The following ETV5 variants were observed in gnomAD, a reference collection of about 807,000 sequenced individuals.
ETV5 encodes ETS translocation variant 5.
A neutral mutation model predicts 70.0 loss-of-function variants in ETV5; 10 were observed. That is an observed-to-expected ratio of 0.14 (90% confidence interval 0.09 to 0.24). ETV5 has a LOEUF of 0.24. Among genes scored for constraint, ETV5 ranks in the 10% least tolerant of loss-of-function variants. The probability of loss-of-function intolerance (pLI) is 1.00; values close to 1 mark genes in which losing one functional copy is unlikely to be tolerated. For missense variants in ETV5, 453 were observed against 651.2 expected (o/e 0.70, Z 3.31); for synonymous variants, 216 against 242.2 (o/e 0.89, Z 1.01).
intron 7 of ETV5, among the ~76,000 whole-genome samples, chr3:186,072,954 A>C (rs186620507): frequency 6.6e-6 from 1 of 152,328 alleles, no homozygotes; most frequent in Non-Finnish European, 1.5e-5. Context: ...CAACATGGTA[A>C]TATCCCACCT....
intron 5 of ETV5, chr3:186,084,320 T>C: frequency 2.6e-6 from 1 of 384,294 alleles, no homozygotes; most frequent in South Asian, 1.9e-5. Flanking sequence ...ACATTTGAGC[T>C]AATAAACATC....
chr3:186,103,222 G>C (rs539085585), intron 5 of ETV5, among the ~76,000 whole-genome samples: 3 of 152,298 alleles, frequency 2.0e-5, no homozygotes, highest in Admixed American at 1.3e-4. Context: ...ACCTCCACTT[G>C]AGGTATGGAA....
intron 5 of ETV5, among the ~76,000 whole-genome samples, chr3:186,099,746 A>T (rs1714405306): frequency 6.6e-6 from 1 of 152,188 alleles, no homozygotes; most frequent in Admixed American, 6.5e-5. Flanking sequence ...TGTAAAACTG[A>T]AGAATGCTGA....
chr3:186,105,935 G>T lies in ETV5; in HGVS notation c.-67C>A. 1 of 1,585,708 alleles carries T rather than the reference G, an allele frequency of 6.3e-7. No individual in the cohort carries two copies. The highest frequency in any genetic ancestry group is 1.1e-5 in the South Asian group (1 of 87,838). On this transcript the variant is annotated 5_prime_UTR_variant, in exon 2 of 13. Transcript: ENST00000306376. The surrounding 1 kb of genome is among the most constrained non-coding windows in gnomAD (Gnocchi z 4.5). ...CATTGAGTAATTTCTGGGGGAAAAG[G>T]GATCCTCCTGTAATATGAATTTGGG...
chr3:186,084,300 A>G, intron 5 of ETV5: 1 of 409,432 alleles, frequency 2.4e-6, no homozygotes, highest in Non-Finnish European at 4.7e-6. Context: ...AAAAAAAAAA[A>G]AAAAAGTTGA....
At position 186,047,594 on chromosome 3, in the gene ETV5, C is replaced by T. The variant is rs2150139706; in HGVS notation, c.*1045G>A. 2 of 232,330 alleles carry T rather than the reference C, an allele frequency of 8.6e-6. No homozygotes were observed. The highest frequency in any genetic ancestry group is 1.8e-4 in the South Asian group (1 of 5,526). 14.4% of individuals were successfully genotyped at this position (232,330 alleles called of 1,614,324 possible). A position where few individuals can be genotyped will look rare whatever the true frequency, so the allele number is the denominator to read the frequency against. ...GCTTGTGTCCAGGCTGCCCTGCACA[C>T]TTCAAAAATGTACAACTCAGGTGCA... On this transcript the variant is annotated 3_prime_UTR_variant, in exon 13 of 13. Coordinates refer to ENST00000306376, the MANE Select transcript of ETV5 (RefSeq NM_004454.3).
At chr3:186,084,336 C>T (rs961597408) in intron 5 of ETV5, 20 of 367,032 alleles carry the variant, frequency 5.4e-5, no homozygotes, top group Non-Finnish European at 9.4e-5. Context: ...ACATCTTCTG[C>T]AATTAGAAAC....
intron 5 of ETV5, among the ~76,000 whole-genome samples, chr3:186,081,828 T>G (rs2150149822): frequency 6.6e-6 from 1 of 152,328 alleles, no homozygotes; most frequent in East Asian, 1.9e-4. Context: ...TGGCTACCTT[T>G]GTGCTTACAA....
At chr3:186,106,480 G>A (rs553400225) in intron 1 of ETV5, among the ~76,000 whole-genome samples, 8 of 152,212 alleles carry the variant, frequency 5.3e-5, no homozygotes, top group South Asian at 2.1e-4. Context: ...ATTGATCAGA[G>A]GTATACTTAT....
intron 5 of ETV5, among the ~76,000 whole-genome samples, chr3:186,088,852 C>T (rs1714117881): frequency 6.6e-6 from 1 of 152,178 alleles, no homozygotes; most frequent in South Asian, 2.1e-4. Flanking sequence ...CTACTCTTAG[C>T]TCTTGCCTTT....
intron 5 of ETV5, among the ~76,000 whole-genome samples, chr3:186,086,482 A>G (rs963806475): frequency 5.3e-5 from 8 of 152,252 alleles, no homozygotes; most frequent in East Asian, 1.9e-4. Flanking sequence ...GGTTAGGTAC[A>G]TAGAAAATAT....
chr3:186,104,742 CTTT>C (rs869046424), intron 5 of ETV5, among the ~76,000 whole-genome samples: 8 of 136,758 alleles, frequency 5.8e-5, no homozygotes, highest in Non-Finnish European at 1.6e-5. Context: ...TTGCAATATT[CTTT>C]TTTTTTTTTT....
At chr3:186,050,056 T>C (rs1712988672) in intron 12 of ETV5, among the ~76,000 whole-genome samples, 1 of 152,162 alleles carries the variant, frequency 6.6e-6, no homozygotes, top group Admixed American at 6.5e-5. Context: ...TACTCGTGAG[T>C]CATGTAACAA....
chr3:186,072,197 A>C (rs923504208), intron 7 of ETV5, among the ~76,000 whole-genome samples: 12 of 151,876 alleles, frequency 7.9e-5, no homozygotes, highest in Non-Finnish European at 1.6e-4. Flanking sequence ...CCTGGCCAAC[A>C]CGGTGAAACC....
At chr3:186,051,316 A>G (rs1713024081) in intron 12 of ETV5, among the ~76,000 whole-genome samples, 1 of 152,216 alleles carries the variant, frequency 6.6e-6, no homozygotes, top group Non-Finnish European at 1.5e-5. Flanking sequence ...CTCAATGTGT[A>G]AATGCTAGTA....
chr3:186,084,463 TC>T (rs1714008070), intron 5 of ETV5, among the ~76,000 whole-genome samples: 2 of 83,890 alleles, frequency 2.4e-5, no homozygotes, highest in Non-Finnish European at 4.2e-5. Context: ...CTTTCTGTCT[TC>T]ATTCATTCAT....
At position 186,105,500 on chromosome 3, in the gene ETV5, A is replaced by T. The variant is rs768191953; in HGVS notation, c.134-4T>A. 3.7e-6 allele frequency: 6 copies of T among 1,614,164 alleles called. No homozygotes were observed. The East Asian group carries it at 1.3e-4, about 36-fold the overall frequency. On this transcript the variant is annotated splice_region_variant and splice_polypyrimidine_tract_variant and intron_variant, in intron 3 of 12. Coordinates refer to ENST00000306376, the MANE Select transcript of ETV5 (RefSeq NM_004454.3). The surrounding 1 kb of genome is among the most constrained non-coding windows in gnomAD (Gnocchi z 4.5). ...TGACTGAGATCCTGAAATAGCTCTG[A>T]AATTGAAAAAGAAGACCCCAGAATG...
chr3:186,068,400 A>G (rs906520754), intron 7 of ETV5, among the ~76,000 whole-genome samples: 1 of 152,232 alleles, frequency 6.6e-6, no homozygotes, highest in African/African-American at 2.4e-5. Flanking sequence ...AGATATTAAC[A>G]CTGCCTATCT....
intron 1 of ETV5, among the ~76,000 whole-genome samples, chr3:186,108,305 T>C (rs1384370678): frequency 6.6e-6 from 1 of 151,996 alleles, no homozygotes; most frequent in African/African-American, 2.4e-5. Context: ...GCTGTTCCGG[T>C]GCGCCCCGAT....
Sources: allele counts gnomAD v4.1 joint callset (sites outside exome capture counted in the v4.1 genomes callset), GRCh38; gene constraint gnomAD v4.1.1; non-coding constraint Gnocchi (gnomAD v3.1); transcripts MANE v1.5; gene names NCBI Gene and HGNC (gene_info 2026-07-23, HGNC 2026-07-21).